The following GCNT1 variants were observed in gnomAD, a reference collection of about 807,000 sequenced individuals.
GCNT1 encodes the protein beta-1,3-galactosyl-O-glycosyl-glycoprotein beta-1,6-N-acetylglucosaminyltransferase.
Under a neutral mutation model 26.2 loss-of-function variants are expected in GCNT1, and 16 were observed. The ratio of observed to expected loss-of-function variants is 0.61; its 90% CI spans 0.41 to 0.93. The LOEUF is 0.93. Ranked by LOEUF, GCNT1 falls within the 40% of genes least tolerant of loss-of-function variation. The probability of loss-of-function intolerance (pLI) is 0.00; values close to 1 mark genes in which losing one functional copy is unlikely to be tolerated. For synonymous variants in GCNT1, 183 were observed against 190.8 expected (o/e 0.96, Z 0.34); for missense variants, 477 against 526.7 (o/e 0.91, Z 0.92).
At chr9:76,453,786 C>G (rs913475068) in intron 1 of GCNT1, among the ~76,000 whole-genome samples, 2 of 152,270 alleles carry the variant, frequency 1.3e-5, no homozygotes. Flanking sequence ...CTTGAACTCA[C>G]CCAAGAGTCC....
intron 2 of GCNT1, among the ~76,000 whole-genome samples, chr9:76,467,645 A>G (rs1824031526): frequency 6.6e-6 from 1 of 152,144 alleles, no homozygotes; most frequent in East Asian, 1.9e-4. Context: ...CCCTGAGTCC[A>G]GTTAAAGCCA....
At chr9:76,494,216 G>A (rs139081379) in intron 2 of GCNT1, among the ~76,000 whole-genome samples, 12,542 of 152,168 alleles carry the variant, frequency 0.082, 574 homozygotes, top group Middle Eastern at 0.17. Context: ...CCTTGCTGAC[G>A]CATTCTTGAA....
chr9:76,488,241 T>C (rs1824634696), intron 2 of GCNT1, among the ~76,000 whole-genome samples: 1 of 152,228 alleles, frequency 6.6e-6, no homozygotes, highest in Admixed American at 6.5e-5. Context: ...CCCTAGAAGA[T>C]TTTGCAATCT....
At chr9:76,482,033 C>G (rs771468273) in intron 2 of GCNT1, among the ~76,000 whole-genome samples, 1 of 152,100 alleles carries the variant, frequency 6.6e-6, no homozygotes, top group Non-Finnish European at 1.5e-5. Context: ...ATTATATTGT[C>G]AGTAAGAAGG....
At chr9:76,400,912 G>A in the GCNT1 span, among the ~76,000 whole-genome samples, 1 of 152,226 alleles carries the variant, frequency 6.6e-6, no homozygotes, top group Non-Finnish European at 1.5e-5. Context: ...ACTGAGAGGT[G>A]ATAGAGCTTA....
rs531556605 is a variant in GCNT1, at chr9:76,442,800, C to A, written c.-290+485C>A. ...AAGTACCATATGAAGATAAAGTATT[C>A]ATTCATTTATTCTCTTATTTATTCA... On this transcript the variant is annotated intron_variant, in intron 1 of 2. Coordinates refer to the GCNT1 transcript ENST00000442371. Among the ~76,000 whole-genome samples, 16 of 152,128 alleles carry A rather than the reference C, an allele frequency of 1.1e-4. No homozygotes were observed. In the East Asian group the frequency reaches 2.3e-3, roughly 22 times the overall value.
intron 2 of GCNT1, among the ~76,000 whole-genome samples, chr9:76,478,594 T>C (rs1364139108): frequency 6.6e-6 from 1 of 152,238 alleles, no homozygotes; most frequent in African/African-American, 2.4e-5. Context: ...ATCTGTTTTA[T>C]TGTGTCTGAC....
At chr9:76,397,312 T>TA in the GCNT1 span, among the ~76,000 whole-genome samples, 2 of 127,654 alleles carry the variant, frequency 1.6e-5, no homozygotes, top group Non-Finnish European at 3.6e-5. Context: ...ATAGATAGAT[T>TA]TAAAAAAAAA....
intron 1 of GCNT1, among the ~76,000 whole-genome samples, chr9:76,428,067 C>T (rs909283621): frequency 6.6e-6 from 1 of 151,862 alleles, no homozygotes; most frequent in African/African-American, 2.4e-5. Flanking sequence ...GAGATCGAGA[C>T]CATCCTGGCT....
chr9:76,442,336 T>G (rs1823494325), intron 1 of GCNT1: 1 of 152,250 alleles, frequency 6.6e-6, no homozygotes, highest in Non-Finnish European at 1.5e-5. Context: ...AAATTTGTGT[T>G]GCTTATAGCC....
chr9:76,394,812 C>G, the GCNT1 span, among the ~76,000 whole-genome samples: 2 of 152,204 alleles, frequency 1.3e-5, no homozygotes, highest in Non-Finnish European at 2.9e-5. Context: ...TTGGCAACCG[C>G]TGGGTTGAAC....
chr9:76,398,675 G>A, the GCNT1 span: 8 of 1,110,034 alleles, frequency 7.2e-6, no homozygotes, highest in East Asian at 2.5e-5. Context: ...GATTCCCGTC[G>A]TAACTTAAAG....
At chr9:76,428,626 T>C (rs1215274257) in intron 1 of GCNT1, among the ~76,000 whole-genome samples, 2 of 151,992 alleles carry the variant, frequency 1.3e-5, no homozygotes, top group Admixed American at 6.6e-5. Context: ...GTAACCATTG[T>C]CAAAATTCCC....
chr9:76,480,272 T>G lies in GCNT1; in HGVS notation c.-290+20095T>G, dbSNP rs559604855. Among the ~76,000 whole-genome samples the G allele has an allele frequency of 2.0e-5, 3 of 152,234 alleles. No homozygotes were observed. In the South Asian group the frequency reaches 6.3e-4, roughly 32 times the overall value. ...GGTTACTGTAGCCTTGTAGCATAGT[T>G]TGAAGTCAGGTAGTGTGATGCCTCC... is the stretch of plus-strand genomic sequence containing the variant. On this transcript the variant is annotated intron_variant, in intron 2 of 3. Transcript: ENST00000376730.
At chr9:76,398,416 AC>A in the GCNT1 span, among the ~76,000 whole-genome samples, 133 of 152,322 alleles carry the variant, frequency 8.7e-4, no homozygotes, top group African/African-American at 3.1e-3. Context: ...CACTGACAAC[AC>A]CAAATGCTGG....
chr9:76,500,348 T>C (rs1255622190), intron 2 of GCNT1, among the ~76,000 whole-genome samples: 1 of 152,240 alleles, frequency 6.6e-6, no homozygotes, highest in Non-Finnish European at 1.5e-5. Flanking sequence ...CCATAGAGAT[T>C]TCCTTATGTG....
At chr9:76,397,313 T>TA in the GCNT1 span, among the ~76,000 whole-genome samples, 49,395 of 147,040 alleles carry the variant, frequency 0.34, 8,954 homozygotes, top group Non-Finnish European at 0.43. Flanking sequence ...TAGATAGATT[T>TA]AAAAAAAAAA....
intron 2 of GCNT1, among the ~76,000 whole-genome samples, chr9:76,485,679 G>T (rs896807712): frequency 6.6e-6 from 1 of 151,728 alleles, no homozygotes; most frequent in African/African-American, 2.4e-5. Flanking sequence ...GTAATCCTAG[G>T]ATTTCTGTTG....
chr9:76,402,836 C>T, the GCNT1 span, among the ~76,000 whole-genome samples: 4 of 152,226 alleles, frequency 2.6e-5, no homozygotes, highest in South Asian at 2.1e-4. Flanking sequence ...CGCGCCACCA[C>T]GCCCGGCTGA....
Sources: allele counts gnomAD v4.1 joint callset (sites outside exome capture counted in the v4.1 genomes callset), GRCh38; gene constraint gnomAD v4.1.1; transcripts MANE v1.5; gene names NCBI Gene and HGNC (gene_info 2026-07-23, HGNC 2026-07-21).